Variants in PARD3B observed in about 807,000 individuals in gnomAD.
PARD3B encodes the protein par-3 family cell polarity regulator beta.
Under a neutral mutation model 130.2 loss-of-function variants are expected in PARD3B, and 103 were observed. That is an observed-to-expected ratio of 0.79 (90% CI 0.67 to 0.93). The LOEUF is 0.93. Ranked by LOEUF, PARD3B falls within the 40% of genes least tolerant of loss-of-function variation. The probability of loss-of-function intolerance (pLI) is 0.00; values close to 1 mark genes in which losing one functional copy is unlikely to be tolerated. For missense variants in PARD3B, 1,609 were observed against 1,499.2 expected (o/e 1.07, Z -1.21); for synonymous variants, 583 against 553.2 (o/e 1.05, Z -0.76).
intron 2 of PARD3B, among the ~76,000 whole-genome samples, chr2:204,748,719 T>A (rs966802261): frequency 1.3e-5 from 2 of 152,138 alleles, no homozygotes; most frequent in Non-Finnish European, 2.9e-5. Context: ...CTAACTGATA[T>A]TGATGGCTGC....
chr2:204,593,329 G>A (rs572072526), intron 1 of PARD3B, among the ~76,000 whole-genome samples: 2 of 152,268 alleles, frequency 1.3e-5, no homozygotes, highest in South Asian at 2.1e-4. Context: ...GTAGAGTGGT[G>A]GGTAGGGGAG....
intron 22 of PARD3B, among the ~76,000 whole-genome samples, chr2:205,566,806 G>A (rs966528478): frequency 2.6e-5 from 4 of 152,202 alleles, no homozygotes; most frequent in Admixed American, 6.5e-5. Context: ...AAGGCAGGTC[G>A]ACAGTGCAGA....
At position 204,635,005 on chromosome 2, in the gene PARD3B, T is replaced by C. The variant is rs1033165733; in HGVS notation, c.121-51176T>C. Among the ~76,000 whole-genome samples the C allele has an allele frequency of 2.0e-5, 3 of 152,162 alleles. No individual in the cohort carries two copies. In the East Asian group the frequency reaches 5.8e-4, roughly 29 times the overall value. ...TTTTTTACTGGTTTCCAGAAAAATA[T>C]AGGTTGATTTCCCAGAATCCTCAGA... is the stretch of plus-strand genomic sequence containing the variant. On this transcript the variant is annotated intron_variant, in intron 1 of 22. Transcript: ENST00000406610.
chr2:204,746,194 A>G (rs2040220934), intron 2 of PARD3B, among the ~76,000 whole-genome samples: 1 of 131,716 alleles, frequency 7.6e-6, no homozygotes, highest in African/African-American at 2.9e-5. Context: ...AAGTGTTCTC[A>G]TTGTTCAATT....
intron 15 of PARD3B, among the ~76,000 whole-genome samples, chr2:205,222,909 G>A (rs1009670038): frequency 4.0e-5 from 6 of 151,444 alleles, no homozygotes; most frequent in Non-Finnish European, 5.9e-5. Flanking sequence ...GTTGTAAACT[G>A]TAACTGTTTA....
chr2:204,916,549 A>G (rs1022146002), intron 2 of PARD3B, among the ~76,000 whole-genome samples: 3 of 152,196 alleles, frequency 2.0e-5, no homozygotes, highest in African/African-American at 4.8e-5. Context: ...CATTTTTTAC[A>G]TGAGTGCAAT....
At position 205,123,358 on chromosome 2, in the gene PARD3B, G is replaced by A. The variant is rs2030986219; in HGVS notation, c.1166-969G>A. On this transcript the variant is annotated intron_variant, in intron 8 of 22. Coordinates refer to ENST00000406610, the MANE Select transcript of PARD3B (RefSeq NM_001302769.2). ...AAAAGGTCAGGATCTGGACTGGAGAGGGAGGTACATAGTGAAGTTTGAAAT... is the reference window on the plus strand; with the variant it reads ...AAAAGGTCAGGATCTGGACTGGAGAAGGAGGTACATAGTGAAGTTTGAAAT... Among the ~76,000 whole-genome samples, 3 of 152,158 alleles carry A rather than the reference G, an allele frequency of 2.0e-5. No individual in the cohort carries two copies. In the South Asian group the frequency reaches 6.2e-4, roughly 32 times the overall value.
intron 2 of PARD3B, among the ~76,000 whole-genome samples, chr2:204,783,411 T>C (rs2041907976): frequency 6.6e-6 from 1 of 152,064 alleles, no homozygotes; most frequent in African/African-American, 2.4e-5. Context: ...AGGGGACCAA[T>C]CTTACAGGAT....
chr2:205,035,616 A>G (rs1697763469), intron 3 of PARD3B, among the ~76,000 whole-genome samples: 2 of 151,746 alleles, frequency 1.3e-5, no homozygotes, highest in Admixed American at 1.3e-4. Flanking sequence ...CCTTAGTATC[A>G]TGAAACTGGT....
intron 22 of PARD3B, among the ~76,000 whole-genome samples, chr2:205,580,280 C>CT (rs916396007): frequency 1.3e-5 from 2 of 152,076 alleles, no homozygotes; most frequent in African/African-American, 2.4e-5. Context: ...AAATTTAGGT[C>CT]TTTTTTCAAG....
At chr2:204,547,486 C>T (rs1448896811) in intron 1 of PARD3B, among the ~76,000 whole-genome samples, 2 of 152,102 alleles carry the variant, frequency 1.3e-5, no homozygotes, top group Admixed American at 6.5e-5. Context: ...TGTGTGTGCA[C>T]GTGCATATGT....
At position 204,922,744 on chromosome 2, in the gene PARD3B, A is replaced by AG. The variant is rs539664268; in HGVS notation, c.223-42404dup. Among the ~76,000 whole-genome samples the AG allele has an allele frequency of 1.1e-3, 174 of 152,196 alleles. 2 individuals are homozygous for AG. The highest frequency in any genetic ancestry group is 4.1e-3 in the African/African-American group (170 of 41,548). On this transcript the variant is annotated intron_variant, in intron 2 of 22. Coordinates refer to ENST00000406610, the MANE Select transcript of PARD3B (RefSeq NM_001302769.2). ...CAAAGGAGTTGAGATATCACCCCCAAGGGGAACCAAGGAAGTTGATTCTTT... is the reference window on the plus strand; with the variant it reads ...CAAAGGAGTTGAGATATCACCCCCAAGGGGGAACCAAGGAAGTTGATTCTTT...
intron 18 of PARD3B, among the ~76,000 whole-genome samples, chr2:205,368,679 T>G (rs2044697855): frequency 6.6e-6 from 1 of 151,932 alleles, no homozygotes; most frequent in Non-Finnish European, 1.5e-5. Flanking sequence ...GAATAGACAA[T>G]CCCCTATTGG....
chr2:204,748,464 A>G (rs2040334537), intron 2 of PARD3B, among the ~76,000 whole-genome samples: 2 of 152,096 alleles, frequency 1.3e-5, no homozygotes, highest in African/African-American at 4.8e-5. Flanking sequence ...AAGAAGTAGG[A>G]TATGAAGTCT....
chr2:205,235,832 C>A (rs1003802429), intron 15 of PARD3B, among the ~76,000 whole-genome samples: 8 of 152,100 alleles, frequency 5.3e-5, no homozygotes, highest in South Asian at 2.1e-4. Flanking sequence ...GGAGGCTTTA[C>A]TGTAAATTCA....
In PARD3B at chr2:204,722,025, G is replaced by GA. The variant is rs540332547; in HGVS notation, c.222+35749dup. Among the ~76,000 whole-genome samples the GA allele has an allele frequency of 2.1e-3, 316 of 152,134 alleles. 2 individuals are homozygous for GA. Among genetic ancestry groups the GA allele is most frequent in the African/African-American group, 7.5e-3 (310 of 41,526 alleles). ...CAAAAACACCCAATGAATAAGTGGT[G>GA]AAAAAATGATACCTCTGTTAGATAA... On this transcript the variant is annotated intron_variant, in intron 2 of 22. Coordinates refer to ENST00000406610, the MANE Select transcript of PARD3B (RefSeq NM_001302769.2).
chr2:205,207,855 C>A (rs2037404436), intron 15 of PARD3B, among the ~76,000 whole-genome samples: 1 of 118,282 alleles, frequency 8.5e-6, no homozygotes, highest in Non-Finnish European at 1.7e-5. Context: ...GGAATCCTCC[C>A]TAACTCATTT....
rs1431741227 is a variant in PARD3B at position 205,011,684 on chromosome 2, C to T, written c.395-35897C>T. On this transcript the variant is annotated intron_variant, in intron 3 of 22. Coordinates refer to ENST00000406610, the MANE Select transcript of PARD3B (RefSeq NM_001302769.2). The surrounding 1 kb of genome is among the most constrained non-coding windows in gnomAD (Gnocchi z 4.1). The stretch of plus-strand genomic sequence containing the variant: ...TTTTCCGCAGAGAAAGACTCCTCTC[C>T]ATGTGCCTTACCTGAAGATTTAAGC... Among the ~76,000 whole-genome samples the T allele has an allele frequency of 2.0e-5, 3 of 152,140 alleles. No individual in the cohort carries two copies. The highest frequency in any genetic ancestry group is 4.4e-5 in the Non-Finnish European group (3 of 68,028).
chr2:205,253,401 T>C lies in PARD3B; in HGVS notation c.2185+7579T>C. On this transcript the variant is annotated intron_variant, in intron 16 of 22. Transcript: ENST00000406610. This position sits in a 1 kb window ranked among gnomAD's most constrained non-coding sequence, Gnocchi z 4.4. ...TGCTGACACACCCATGGCCATACGT[T>C]TGGTCTTCTTGGCCTTGGCTGGGCT... 1.8e-6 allele frequency: 1 copy of C among 568,000 alleles called. No homozygotes were observed. The highest frequency in any genetic ancestry group is 3.0e-4 in the Middle Eastern group (1 of 3,328). 35.2% of individuals were successfully genotyped at this position (568,000 alleles called of 1,614,324 possible).
Sources: gnomAD v4.1 joint callset for allele counts (sites outside exome capture counted in the v4.1 genomes callset) on GRCh38, gnomAD v4.1.1 for gene constraint, Gnocchi (gnomAD v3.1) non-coding constraint, MANE v1.5 for transcripts, NCBI Gene and HGNC (gene_info 2026-07-23, HGNC 2026-07-21) for gene names.